Variants in PLXNA4 observed in about 807,000 individuals in gnomAD.
PLXNA4 encodes the protein plexin A4, also known as plexin-A4.
PLXNA4 carries 44 observed loss-of-function variants against 191.8 expected under a neutral mutation model. That is an observed-to-expected ratio of 0.23 (90% CI 0.18 to 0.29). The LOEUF is 0.29. Ranked by LOEUF, PLXNA4 falls within the 10% of genes least tolerant of loss-of-function variation. PLXNA4 has a pLI of 1.00. For missense variants in PLXNA4, 1,800 were observed against 2,488.8 expected, an observed-to-expected ratio of 0.72 and a Z score of 5.89; for synonymous variants, 1,082 against 1,009.5, an observed-to-expected ratio of 1.07 and a Z score of -1.36.
chr7:132,370,110 C>T (rs1804372517), intron 3 of PLXNA4, among the ~76,000 whole-genome samples: 1 of 151,184 alleles, frequency 6.6e-6, no homozygotes, highest in Non-Finnish European at 1.5e-5. Flanking sequence ...TCCCTGACAG[C>T]AGGTTTGAGC....
At chr7:132,457,803 A>G (rs911272341) in intron 3 of PLXNA4, among the ~76,000 whole-genome samples, 5 of 152,204 alleles carry the variant, frequency 3.3e-5, no homozygotes, top group Non-Finnish European at 7.3e-5. Context: ...AGAGATTTAA[A>G]GATGCTATGC....
chr7:132,298,374 T>A, intron 3 of PLXNA4, 152 bp from the exon 4 acceptor site: 1 of 1,075,836 alleles, frequency 9.3e-7, no homozygotes. Context: ...TGGAGTGACA[T>A]AAGCTCACCA....
At chr7:132,538,724 T>C (rs2116487277) in intron 1 of PLXNA4, among the ~76,000 whole-genome samples, 1 of 152,310 alleles carries the variant, frequency 6.6e-6, no homozygotes, top group Middle Eastern at 3.4e-3. Flanking sequence ...AGAGCCAGGA[T>C]GCTGTAGGCT....
intron 3 of PLXNA4, among the ~76,000 whole-genome samples, chr7:132,488,537 T>G (rs1797654185): frequency 6.6e-6 from 1 of 152,238 alleles, no homozygotes; most frequent in South Asian, 2.1e-4. Flanking sequence ...CAGGACCTCC[T>G]GCCTACCACC....
intron 3 of PLXNA4, among the ~76,000 whole-genome samples, chr7:132,463,117 C>T (rs1314634420): frequency 6.6e-6 from 1 of 152,076 alleles, no homozygotes; most frequent in African/African-American, 2.4e-5. Context: ...TCTCAAAGTG[C>T]TAGGATTACA....
At chr7:132,139,080 A>G (rs1795193178) in intron 30 of PLXNA4, among the ~76,000 whole-genome samples, 1 of 152,222 alleles carries the variant, frequency 6.6e-6, no homozygotes, top group Non-Finnish European at 1.5e-5. Context: ...CACTGTCTAC[A>G]TAGCAGGAGG....
intron 2 of PLXNA4, among the ~76,000 whole-genome samples, chr7:132,624,421 T>C (rs1246594039): frequency 6.6e-6 from 1 of 152,162 alleles, no homozygotes; most frequent in Admixed American, 6.5e-5. Context: ...GGTGATCCTT[T>C]CTCATGAGCA....
chr7:132,162,995 G>A (rs1795995531), intron 24 of PLXNA4, among the ~76,000 whole-genome samples: 1 of 152,182 alleles, frequency 6.6e-6, no homozygotes, highest in African/African-American at 2.4e-5. Context: ...GCCCCAGCCT[G>A]CTGTGGCTCC....
rs536676604 is a variant in PLXNA4, at chr7:132,263,657, C to T, written c.1504-22491G>A. On this transcript the variant is annotated intron_variant, in intron 4 of 31. Transcript: ENST00000321063. ...GGAGAGAAAACTAAAAGTAACACTC[C>T]AGATGAGATTTTAGGATTGTTTATG... Among the ~76,000 whole-genome samples, 58 of 152,284 alleles carry T rather than the reference C, an allele frequency of 3.8e-4. No homozygotes were observed. In the South Asian group the frequency reaches 0.012, roughly 30 times the overall value.
intron 3 of PLXNA4, among the ~76,000 whole-genome samples, chr7:132,472,147 G>A (rs184127721): frequency 4.6e-5 from 7 of 152,170 alleles, no homozygotes; most frequent in Admixed American, 2.0e-4. Context: ...CTTTCTTTCC[G>A]ATTCAATCTG....
At chr7:132,245,364 C>T (rs550051568) in intron 4 of PLXNA4, among the ~76,000 whole-genome samples, 34 of 152,250 alleles carry the variant, frequency 2.2e-4, no homozygotes, top group East Asian at 9.7e-4. Flanking sequence ...ACTTCACCTT[C>T]GCTGCTTCTA....
At chr7:132,316,688 C>T (rs1168447496) in intron 3 of PLXNA4, among the ~76,000 whole-genome samples, 9 of 152,202 alleles carry the variant, frequency 5.9e-5, no homozygotes, top group Non-Finnish European at 8.8e-5. Context: ...GGAAATGACT[C>T]TCCAAATTCA....
At chr7:132,276,024 C>T (rs993953927) in intron 4 of PLXNA4, among the ~76,000 whole-genome samples, 1 of 152,224 alleles carries the variant, frequency 6.6e-6, no homozygotes, top group South Asian at 2.1e-4. Flanking sequence ...CCCCTCCCTG[C>T]AACCCTTAGT....
chr7:132,393,702 G>C (rs1228684129), intron 3 of PLXNA4, among the ~76,000 whole-genome samples: 1 of 152,204 alleles, frequency 6.6e-6, no homozygotes, highest in East Asian at 1.9e-4. Flanking sequence ...CATGGCAAGG[G>C]AAGTGGAGAG....
intron 3 of PLXNA4, among the ~76,000 whole-genome samples, chr7:132,314,635 T>C (rs1326926937): frequency 6.6e-6 from 1 of 152,210 alleles, no homozygotes; most frequent in Non-Finnish European, 1.5e-5. Flanking sequence ...AGGTTGTTAC[T>C]CTGGGGTTCC....
chr7:132,425,548 C>T (rs1795010119), intron 3 of PLXNA4, among the ~76,000 whole-genome samples: 1 of 152,122 alleles, frequency 6.6e-6, no homozygotes, highest in African/African-American at 2.4e-5. Context: ...CCCCACCTCT[C>T]CCCACCTTGA....
intron 1 of PLXNA4, among the ~76,000 whole-genome samples, chr7:132,554,550 C>T (rs1800705634): frequency 6.6e-6 from 1 of 152,198 alleles, no homozygotes; most frequent in Non-Finnish European, 1.5e-5. Context: ...ATGTTTCCAG[C>T]TTAATCGTTT....
intron 3 of PLXNA4, chr7:132,484,646 C>A: frequency 8.5e-7 from 1 of 1,179,660 alleles, no homozygotes. Context: ...CCTGACCGAA[C>A]CCTGTATCAA....
intron 2 of PLXNA4, among the ~76,000 whole-genome samples, chr7:132,624,264 T>C (rs1803327499): frequency 6.6e-6 from 1 of 152,168 alleles, no homozygotes; most frequent in African/African-American, 2.4e-5. Context: ...GCCATCATAA[T>C]GGTAGTACCC....
Sources: allele counts gnomAD v4.1 joint callset (sites outside exome capture counted in the v4.1 genomes callset), GRCh38; gene constraint gnomAD v4.1.1; transcripts MANE v1.5; gene names NCBI Gene and HGNC (gene_info 2026-07-23, HGNC 2026-07-21).